The following HDAC9 variants were observed in gnomAD, a reference collection of about 807,000 sequenced individuals.
The protein encoded by HDAC9 is histone deacetylase 9, also known as MEF-2 interacting transcription repressor (MITR) protein.
HDAC9 carries 41 observed loss-of-function variants against 139.4 expected under a neutral mutation model. The ratio of observed to expected loss-of-function variants is 0.29; its 90% CI spans 0.23 to 0.38. The LOEUF (loss-of-function observed/expected upper bound fraction) is 0.38. HDAC9 is among the 10% of genes least tolerant of loss of function. The probability of loss-of-function intolerance (pLI) is 1.00; values close to 1 mark genes in which losing one functional copy is unlikely to be tolerated. For missense variants in HDAC9, 1,147 were observed against 1,297.0 expected, an observed-to-expected ratio of 0.88 and a Z score of 1.78; for synonymous variants, 517 against 476.2, an observed-to-expected ratio of 1.09 and a Z score of -1.12.
intron 22 of HDAC9, among the ~76,000 whole-genome samples, chr7:18,877,270 G>C (rs1799390024): frequency 2.0e-5 from 3 of 152,146 alleles, no homozygotes; most frequent in Non-Finnish European, 4.4e-5. Context: ...CTCCCCACTT[G>C]GTATCTTTGT....
At chr7:18,256,586 A>G (rs2128203585) in intron 2 of HDAC9, among the ~76,000 whole-genome samples, 1 of 152,370 alleles carries the variant, frequency 6.6e-6, no homozygotes, top group South Asian at 2.1e-4. Context: ...GGGAACAATC[A>G]TAAGGAATTT....
At chr7:18,393,442 T>G (rs56017434) in intron 1 of HDAC9, among the ~76,000 whole-genome samples, 32,020 of 152,006 alleles carry the variant, frequency 0.21, 3,567 homozygotes, top group Admixed American at 0.23. Context: ...GTCACCTGTT[T>G]TAAATCAGGC....
intron 1 of HDAC9, among the ~76,000 whole-genome samples, chr7:18,145,232 T>C (rs1462039487): frequency 6.6e-6 from 1 of 152,240 alleles, no homozygotes; most frequent in Non-Finnish European, 1.5e-5. Flanking sequence ...ACATAATCTT[T>C]GCTTTCATGG....
chr7:18,644,851 A>T, intron 9 of HDAC9, 58 bp downstream of exon 9: 1 of 1,536,032 alleles, frequency 6.5e-7, no homozygotes, highest in Non-Finnish European at 8.8e-7. Context: ...TTCACAGGGG[A>T]ACTCTCTTTC....
chr7:18,776,010 A>G (rs1790736576), intron 16 of HDAC9, among the ~76,000 whole-genome samples: 1 of 151,998 alleles, frequency 6.6e-6, no homozygotes, highest in South Asian at 2.1e-4. Flanking sequence ...CAGCTCATTG[A>G]AGCCTCAACC....
At chr7:18,743,542 A>C (rs545800414) in intron 13 of HDAC9, among the ~76,000 whole-genome samples, 4 of 152,068 alleles carry the variant, frequency 2.6e-5, no homozygotes, top group African/African-American at 9.6e-5. Context: ...TCTTGTTAAA[A>C]AATGCTGCAG....
intron 2 of HDAC9, among the ~76,000 whole-genome samples, chr7:18,200,711 G>C (rs909212828): frequency 6.6e-6 from 1 of 152,156 alleles, no homozygotes; most frequent in Non-Finnish European, 1.5e-5. Flanking sequence ...ATCATACAAA[G>C]AGAAGCTACT....
rs140474264 is a variant in HDAC9, at chr7:18,422,442, C to G, written c.-41-73820C>G. On this transcript the variant is annotated intron_variant, in intron 1 of 3. Coordinates refer to the HDAC9 transcript ENST00000413509. ...GAGAATGCATATGCCAATTACAAAT[C>G]GATCATAAACAAATACTTATACGCA... 3.9e-4 allele frequency among the ~76,000 whole-genome samples: 59 copies of G among 152,236 alleles called. 1 individual carries two copies. Among genetic ancestry groups the G allele is most frequent in the African/African-American group, 1.4e-3 (57 of 41,542 alleles).
At chr7:18,622,089 C>A (rs1457689390) in intron 6 of HDAC9, among the ~76,000 whole-genome samples, 2 of 152,092 alleles carry the variant, frequency 1.3e-5, no homozygotes, top group Non-Finnish European at 2.9e-5. Flanking sequence ...TTAAATATGG[C>A]AGCTCCTAAG....
intron 21 of HDAC9, among the ~76,000 whole-genome samples, chr7:18,850,648 C>T (rs1214205995): frequency 6.6e-6 from 1 of 152,178 alleles, no homozygotes; most frequent in Admixed American, 6.5e-5. Flanking sequence ...AGGCTTCCCT[C>T]GCCATTAATT....
intron 1 of HDAC9, among the ~76,000 whole-genome samples, chr7:18,402,086 T>G (rs994777699): frequency 1.3e-5 from 2 of 152,224 alleles, no homozygotes; most frequent in Non-Finnish European, 2.9e-5. Context: ...AGGAAACAAC[T>G]AATATTTGTT....
chr7:18,332,373 G>A (rs930903099), intron 1 of HDAC9, among the ~76,000 whole-genome samples: 3 of 96,464 alleles, frequency 3.1e-5, no homozygotes, highest in Admixed American at 2.1e-4. Context: ...GTGTGTGTGT[G>A]TGTGTGTGTG....
At chr7:18,945,141 C>G (rs1383382730) in intron 23 of HDAC9, among the ~76,000 whole-genome samples, 3 of 152,154 alleles carry the variant, frequency 2.0e-5, no homozygotes, top group Non-Finnish European at 4.4e-5. Flanking sequence ...AATTTGTACT[C>G]CTACCAGTGG....
chr7:18,270,069 A>G (rs1422197980), intron 2 of HDAC9, among the ~76,000 whole-genome samples: 5 of 152,048 alleles, frequency 3.3e-5, no homozygotes, highest in African/African-American at 1.2e-4. Flanking sequence ...ATCTACTGGC[A>G]CACTCAGCCC....
intron 21 of HDAC9, among the ~76,000 whole-genome samples, chr7:18,870,735 A>G (rs1798853983): frequency 6.6e-6 from 1 of 152,110 alleles, no homozygotes. Flanking sequence ...GTGCAGTGGC[A>G]TGATCATAAC....
chr7:18,182,710 A>G (rs1789545751), intron 2 of HDAC9, among the ~76,000 whole-genome samples: 1 of 152,168 alleles, frequency 6.6e-6, no homozygotes, highest in African/African-American at 2.4e-5. Flanking sequence ...CTTACAGTAA[A>G]TCTAGCTCTT....
chr7:18,510,064 C>T (rs950681504), intron 2 of HDAC9, among the ~76,000 whole-genome samples: 2 of 152,124 alleles, frequency 1.3e-5, no homozygotes, highest in African/African-American at 4.8e-5. Flanking sequence ...AAGAAAATTA[C>T]TCCTCAGTTT....
intron 13 of HDAC9, 111 bp from the exon 14 acceptor site, chr7:18,748,894 A>T: frequency 9.7e-7 from 1 of 1,032,984 alleles, no homozygotes. Flanking sequence ...CTCCTTTGTT[A>T]AATTTATTTT....
At chr7:18,446,752 C>G (rs1282310894) in intron 1 of HDAC9, among the ~76,000 whole-genome samples, 1 of 151,908 alleles carries the variant, frequency 6.6e-6, no homozygotes. Flanking sequence ...CATATATTTT[C>G]CTGCAAGATG....
Sources: gnomAD v4.1 joint callset for allele counts (sites outside exome capture counted in the v4.1 genomes callset) on GRCh38, gnomAD v4.1.1 for gene constraint, MANE v1.5 for transcripts, NCBI Gene and HGNC (gene_info 2026-07-23, HGNC 2026-07-21) for gene names.